MCRIP1: variants seen among roughly 807,000 people sequenced by gnomAD.
MCRIP1 encodes the protein MAPK regulated corepressor interacting protein 1.
In MCRIP1, 10 loss-of-function variants were observed where a neutral mutation model predicts 14.4. The observed-to-expected ratio is 0.70, with a 90% CI of 0.43 to 1.18. The LOEUF (loss-of-function observed/expected upper bound fraction) is 1.18. MCRIP1 is among the 50% of genes most tolerant of loss of function. The pLI is 0.00. For missense variants in MCRIP1, 119 were observed against 135.4 expected, an observed-to-expected ratio of 0.88 and a Z score of 0.60; for synonymous variants, 53 against 55.7, an observed-to-expected ratio of 0.95 and a Z score of 0.21.
Position 81,823,282 on chromosome 17 carries a change from T to G in MCRIP1, c.259A>C (p.Lys87Gln), listed in dbSNP as rs1356436443. 2 of 1,536,872 alleles carry G rather than the reference T, an allele frequency of 1.3e-6. No individual in the cohort carries two copies. The highest frequency in any genetic ancestry group is 2.4e-5 in the South Asian group (2 of 84,056). The change falls in exon 5 of 5, where the codon AAG becomes CAG. Residue 87 changes from lysine (K) to glutamine (Q), a missense_variant. Coordinates refer to ENST00000455127, the MANE Select transcript of MCRIP1 (RefSeq NM_207368.5). This position sits in a 1 kb window ranked among gnomAD's most constrained non-coding sequence, Gnocchi z 6.0. The stretch of plus-strand genomic sequence containing the variant: ...TTGGCATCCTGCGTGCTCCGGCGCT[T>G]CAGGTCACTCAGGTCGATGGGCTTG... Reference protein sequence around the residue: ...TFKPIDLSDLKRRSTQDAKKS With the variant: ...TFKPIDLSDLQRRSTQDAKKS
intron 1 of MCRIP1, among the ~76,000 whole-genome samples, chr17:81,827,117 A>G (rs1445153833): frequency 6.7e-6 from 1 of 149,034 alleles, no homozygotes; most frequent in Admixed American, 6.7e-5. Context: ...GACTCCGTCT[A>G]AAAGAAAAAA....
Position 81,823,782 on chromosome 17 carries a change from C to A in MCRIP1, c.128-269G>T, listed in dbSNP as rs946767789. 3.4e-6 allele frequency: 2 copies of A among 586,392 alleles called. No homozygotes were observed. The highest frequency in any genetic ancestry group is 2.8e-5 in the East Asian group (1 of 35,318). The allele number at this position is 586,392 out of a possible 1,614,324, so 36.3% of individuals were successfully genotyped here. On this transcript the variant is annotated intron_variant, in intron 3 of 4. Transcript: ENST00000455127. This position sits in a 1 kb window ranked among gnomAD's most constrained non-coding sequence, Gnocchi z 6.0. Reference sequence around the variant, plus strand: ...TATGACCCTACCCCAGGCTTCCCTGCGCCTCGGAGGCAGCGCATCCTCCTC... The same window carrying A: ...TATGACCCTACCCCAGGCTTCCCTGAGCCTCGGAGGCAGCGCATCCTCCTC...
chr17:81,826,416 C>CAAT, intron 1 of MCRIP1: 1 of 1,521,514 alleles, frequency 6.6e-7, no homozygotes, highest in Non-Finnish European at 8.8e-7. Flanking sequence ...CCCAGCTACT[C>CAAT]AGAGGCTGGG....
chr17:81,824,405 G>A lies in MCRIP1; in HGVS notation c.9C>T (p.Ser3=). 6.5e-7 allele frequency: 1 copy of A among 1,533,846 alleles called. No homozygotes were observed. Among genetic ancestry groups the A allele is most frequent in the Non-Finnish European group, 8.7e-7 (1 of 1,144,896 alleles). Residue 3 remains serine, a splice_region_variant and synonymous_variant, in exon 3 of 5, where the codon AGC becomes AGT. Coordinates refer to ENST00000455127, the MANE Select transcript of MCRIP1 (RefSeq NM_207368.5). The part of the protein sequence containing the change: MT[S]SPVSRVVYNG... ...TGTACACGACTCTGGAGACGGGGGA[G>A]CTGGGGGAGCCTGGCGCATGAGACA... is the stretch of plus-strand genomic sequence containing the variant.
At chr17:81,826,357 G>C (rs527878536) in intron 1 of MCRIP1, 1 of 1,535,358 alleles carries the variant, frequency 6.5e-7, no homozygotes, top group African/African-American at 1.4e-5. Flanking sequence ...ACACACATGC[G>C]GCACACACCC....
chr17:81,825,612 G>A lies in MCRIP1; in HGVS notation c.-48-1058C>T, dbSNP rs556533698. Reference sequence around the variant, plus strand: ...CATTCCGCCTCATGTCAATGGTCCAGCCCTCAAACACCACGTGATAAGAAT... The same window carrying A: ...CATTCCGCCTCATGTCAATGGTCCAACCCTCAAACACCACGTGATAAGAAT... On this transcript the variant is annotated intron_variant, in intron 1 of 4. Transcript: ENST00000455127. 117 of 1,289,248 alleles carry A rather than the reference G, an allele frequency of 9.1e-5. 1 individual carries two copies. Among genetic ancestry groups the A allele is most frequent in the Admixed American group, 5.3e-4 (23 of 43,544 alleles). The allele number at this position is 1,289,248 out of a possible 1,614,324, so 79.9% of individuals were successfully genotyped here.
chr17:81,824,346 G>A lies in MCRIP1; in HGVS notation c.68C>T (p.Pro23Leu). The A allele has an allele frequency of 6.5e-7, 1 of 1,535,532 alleles. No individual in the cohort carries two copies. The highest frequency in any genetic ancestry group is 8.7e-7 in the Non-Finnish European group (1 of 1,146,372). ...TGGGGTGAAGATCTCGCTGCTGCTG[G>A]GTGGGGAGCGGGGGCTGCTGGTCCT... ...GKRTSSPRSP[P>L]SSSEIFTPAH... is the part of the protein sequence containing the mutation. Residue 23 changes from proline to leucine, a missense_variant, in exon 3 of 5, where the codon CCC (proline) becomes CTC (leucine). Transcript: ENST00000455127.
At chr17:81,824,452 C>A in intron 2 of MCRIP1, 47 bp from the exon 3 acceptor site, 1 of 1,533,782 alleles carries the variant, frequency 6.5e-7, no homozygotes, top group Non-Finnish European at 8.7e-7. Context: ...AGGGTGGGAG[C>A]CCACAACCCG....
intron 1 of MCRIP1, among the ~76,000 whole-genome samples, chr17:81,828,670 G>A (rs1338633203): frequency 3.3e-5 from 5 of 152,152 alleles, no homozygotes; most frequent in African/African-American, 1.2e-4. Flanking sequence ...CGGACACCAA[G>A]CACAAGAGCA....
At chr17:81,824,222 G>A (rs967877729) in intron 3 of MCRIP1, 65 bp downstream of exon 3, 1 of 1,338,696 alleles carries the variant, frequency 7.5e-7, no homozygotes, top group African/African-American at 1.4e-5. Flanking sequence ...CGTGGGTCCT[G>A]GGCTGGGGGC....
At chr17:81,832,653 C>T (rs376305112) in intron 1 of MCRIP1, among the ~76,000 whole-genome samples, 1 of 152,378 alleles carries the variant, frequency 6.6e-6, no homozygotes, top group East Asian at 1.9e-4. Flanking sequence ...AGAAGCACAG[C>T]CCGTGCCCCG....
Position 81,823,419 on chromosome 17 carries a change from G to A in MCRIP1, c.222C>T (p.Ser74=). ...EEYVEKVPNP[S]LKTFKPIDLS... ...AGGTCAGCCCCCACTCACTCTTCAG[G>A]CTGGGGTTAGGGACCTTCTCCACAT... Residue 74 remains serine, a synonymous_variant, in exon 4 of 5, where the codon AGC becomes AGT. Coordinates refer to ENST00000455127, the MANE Select transcript of MCRIP1 (RefSeq NM_207368.5). The surrounding 1 kb of genome is among the most constrained non-coding windows in gnomAD (Gnocchi z 6.0). 1 of 1,536,696 alleles carries A rather than the reference G, an allele frequency of 6.5e-7. No homozygotes were observed. Among genetic ancestry groups the A allele is most frequent in the Non-Finnish European group, 8.7e-7 (1 of 1,146,672 alleles).
intron 1 of MCRIP1, chr17:81,826,130 C>A: frequency 6.7e-7 from 1 of 1,484,980 alleles, no homozygotes. Flanking sequence ...TGGGATCCCC[C>A]TGCTGGGTTC....
At chr17:81,831,620 TGCCCACATCCCCACAG>T (rs1331052588) in intron 1 of MCRIP1, among the ~76,000 whole-genome samples, 40 of 152,158 alleles carry the variant, frequency 2.6e-4, no homozygotes, top group African/African-American at 9.6e-4. Context: ...TTACACACAT[TGCCCACATCCCCACAG>T]CTGGACCAGA....
rs1276266733 is a variant in MCRIP1 at position 81,823,733 on chromosome 17, C to T, written c.128-220G>A. 1 of 602,652 alleles carries T rather than the reference C, an allele frequency of 1.7e-6. No homozygotes were observed. Among genetic ancestry groups the T allele is most frequent in the Non-Finnish European group, 3.0e-6 (1 of 338,494 alleles). 37.3% of individuals were successfully genotyped at this position (602,652 alleles called of 1,614,324 possible). ...GCCTGTCCCTTCCCCGCAAGATGAC[C>T]AGGACTGTGGTCAGAGGGACCCCTA... On this transcript the variant is annotated intron_variant, in intron 3 of 4. Transcript: ENST00000455127. This position sits in a 1 kb window ranked among gnomAD's most constrained non-coding sequence, Gnocchi z 6.0.
chr17:81,823,022 G>T lies in MCRIP1; in HGVS notation c.*225C>A, dbSNP rs919808581. ...GGTGGCTGGGGGAGGGCAGGAGGGT[G>T]GGCAGGGCCCAGACCCCCATGATGG... is the stretch of plus-strand genomic sequence containing the variant. On this transcript the variant is annotated 3_prime_UTR_variant, in exon 5 of 5. Coordinates refer to ENST00000455127, the MANE Select transcript of MCRIP1 (RefSeq NM_207368.5). This position sits in a 1 kb window ranked among gnomAD's most constrained non-coding sequence, Gnocchi z 6.0. The T allele has an allele frequency of 1.2e-5, 7 of 602,862 alleles. No homozygotes were observed. The Admixed American group carries it at 2.1e-4, about 18-fold the overall frequency. 37.3% of individuals were successfully genotyped at this position (602,862 alleles called of 1,614,324 possible).
chr17:81,824,323 G>C lies in MCRIP1; in HGVS notation c.91C>G (p.Pro31Ala). 1 of 1,536,404 alleles carries C rather than the reference G, an allele frequency of 6.5e-7. No homozygotes were observed. Among genetic ancestry groups the C allele is most frequent in the Non-Finnish European group, 8.7e-7 (1 of 1,146,682 alleles). ...SPPSSSEIFTPAHEENVRFIY... is the reference protein window; with the variant it reads ...SPPSSSEIFTAAHEENVRFIY... ...AAGCGGACGTTCTCCTCGTGGGCTG[G>C]GGTGAAGATCTCGCTGCTGCTGGGT... Residue 31 changes from proline to alanine, a missense_variant, in exon 3 of 5, where the codon CCA (proline) becomes GCA (alanine). Physicochemically the swap from Pro to Ala is conservative, Grantham distance 27 (BLOSUM62 -1). Transcript: ENST00000455127.
At chr17:81,833,008 G>T (rs1449818776) in intron 1 of MCRIP1, among the ~76,000 whole-genome samples, 1 of 151,540 alleles carries the variant, frequency 6.6e-6, no homozygotes, top group African/African-American at 2.4e-5. Flanking sequence ...TCCGAGCCGC[G>T]CCCTCCCCAC....
chr17:81,826,599 C>G (rs2038402821), intron 1 of MCRIP1: 1 of 552,704 alleles, frequency 1.8e-6, no homozygotes, highest in African/African-American at 2.0e-5. Flanking sequence ...GCGGGTGGAT[C>G]AGCTGAGGTC....
Sources: allele counts gnomAD v4.1 joint callset (sites outside exome capture counted in the v4.1 genomes callset), GRCh38; gene constraint gnomAD v4.1.1; non-coding constraint Gnocchi (gnomAD v3.1); transcripts MANE v1.5; gene names NCBI Gene and HGNC (gene_info 2026-07-23, HGNC 2026-07-21).